The following FHIT variants were observed in gnomAD, a reference collection of about 807,000 sequenced individuals.
FHIT encodes the protein bis(5'-adenosyl)-triphosphatase.
A neutral mutation model predicts 17.9 loss-of-function variants in FHIT; 19 were observed. The ratio of observed to expected loss-of-function variants is 1.06; its 90% confidence interval spans 0.74 to 1.56. The LOEUF (loss-of-function observed/expected upper bound fraction) is 1.56. Ranked by LOEUF, FHIT falls within the 40% of genes most tolerant of loss-of-function variation. The pLI, the probability that FHIT is intolerant of heterozygous loss-of-function variation, is 0.00. For missense variants in FHIT, 248 were observed against 189.2 expected (o/e 1.31, Z -1.82); for synonymous variants, 81 against 69.7 (o/e 1.16, Z -0.81).
chr3:60,245,575 A>G (rs1331445766), intron 5 of FHIT, among the ~76,000 whole-genome samples: 1 of 152,122 alleles, frequency 6.6e-6, no homozygotes, highest in Non-Finnish European at 1.5e-5. Flanking sequence ...ATATTAGGGG[A>G]AAAACCTTTT....
intron 5 of FHIT, among the ~76,000 whole-genome samples, chr3:60,300,772 A>G (rs1005880251): frequency 5.9e-5 from 9 of 152,104 alleles, no homozygotes; most frequent in African/African-American, 2.2e-4. Context: ...ACAAACTAGA[A>G]ATATGGGAGG....
At chr3:60,763,413 T>C (rs1553720576) in intron 4 of FHIT, among the ~76,000 whole-genome samples, 1 of 152,238 alleles carries the variant, frequency 6.6e-6, no homozygotes, top group Admixed American at 6.5e-5. Flanking sequence ...ATAGCTACTG[T>C]CATCTACCAA....
At chr3:60,744,268 C>CAAA (rs374691493) in intron 4 of FHIT, among the ~76,000 whole-genome samples, 30 of 80,084 alleles carry the variant, frequency 3.7e-4, no homozygotes, top group South Asian at 1.2e-3. Flanking sequence ...CAAAACAAAA[C>CAAA]AAAAAAAAAA....
rs1271275586 is a variant in FHIT at position 60,886,513 on chromosome 3, G to C, written c.-110-64502C>G. On this transcript the variant is annotated intron_variant, in intron 3 of 9. Transcript: ENST00000492590. Reference sequence around the variant, plus strand: ...TTTAGCAAATATCACATTGACTTCTGGTAAGAGAAATAATCCAGAATCTGT... The same window carrying C: ...TTTAGCAAATATCACATTGACTTCTCGTAAGAGAAATAATCCAGAATCTGT... Among the ~76,000 whole-genome samples, 8 of 152,118 alleles carry C rather than the reference G, an allele frequency of 5.3e-5. 1 individual carries two copies. Among genetic ancestry groups the C allele is most frequent in the Admixed American group, 5.2e-4 (8 of 15,260 alleles).
At chr3:60,741,564 T>C (rs1277740895) in intron 4 of FHIT, among the ~76,000 whole-genome samples, 1 of 152,254 alleles carries the variant, frequency 6.6e-6, no homozygotes, top group African/African-American at 2.4e-5. Flanking sequence ...ATACACACTT[T>C]ACATCTGTCA....
At chr3:61,019,630 T>TGTA (rs2032302308) in intron 3 of FHIT, among the ~76,000 whole-genome samples, 1 of 152,232 alleles carries the variant, frequency 6.6e-6, no homozygotes, top group Non-Finnish European at 1.5e-5. Context: ...TATAACGCTA[T>TGTA]ATAGCACACT....
intron 5 of FHIT, among the ~76,000 whole-genome samples, chr3:60,452,523 TAAAG>T (rs2031819298): frequency 6.6e-6 from 1 of 152,138 alleles, no homozygotes; most frequent in African/African-American, 2.4e-5. Context: ...TGTGACCAAA[TAAAG>T]ATATTTAAAT....
At chr3:60,112,051 T>C in intron 5 of FHIT, among the ~76,000 whole-genome samples, 1 of 152,212 alleles carries the variant, frequency 6.6e-6, no homozygotes, top group African/African-American at 2.4e-5. Context: ...CTAAGATAAG[T>C]GGCTCAGTGA....
intron 5 of FHIT, among the ~76,000 whole-genome samples, chr3:60,115,352 G>C (rs1481825644): frequency 6.6e-6 from 1 of 152,056 alleles, no homozygotes; most frequent in African/African-American, 2.4e-5. Context: ...TAAATTTAAA[G>C]CATGAGTAGT....
chr3:60,624,138 G>T (rs1204405579), intron 4 of FHIT, among the ~76,000 whole-genome samples: 2 of 152,210 alleles, frequency 1.3e-5, no homozygotes, highest in Non-Finnish European at 1.5e-5. Context: ...ATCCCAGAGA[G>T]AAGAAATGGT....
At chr3:59,843,021 A>G (rs546804607) in intron 8 of FHIT, among the ~76,000 whole-genome samples, 1 of 152,230 alleles carries the variant, frequency 6.6e-6, no homozygotes, top group South Asian at 2.1e-4. Flanking sequence ...ATTTTATTCT[A>G]AGAGTTTTAT....
intron 5 of FHIT, among the ~76,000 whole-genome samples, chr3:60,172,195 G>A (rs915048957): frequency 2.0e-5 from 3 of 152,202 alleles, no homozygotes; most frequent in Non-Finnish European, 2.9e-5. Flanking sequence ...AGCTAGTTAA[G>A]GGAGTGAAAA....
intron 5 of FHIT, among the ~76,000 whole-genome samples, chr3:60,315,153 G>A (rs932094260): frequency 2.0e-5 from 3 of 152,078 alleles, no homozygotes; most frequent in African/African-American, 7.2e-5. Flanking sequence ...CCCAGCTGAG[G>A]CTCCAGACAT....
At position 60,904,937 on chromosome 3, in the gene FHIT, TAA is replaced by T. The variant is rs34683848; in HGVS notation, c.-110-82928_-110-82927del. Reference sequence around the variant, plus strand: ...CTGAGCAACAGAACGAGACTTGGTCTAAAAAAAAAAAAAAAAAAATTCTTAAA... The same window carrying T: ...CTGAGCAACAGAACGAGACTTGGTCTAAAAAAAAAAAAAAAAATTCTTAAA... On this transcript the variant is annotated intron_variant, in intron 3 of 9. Coordinates refer to ENST00000492590, the MANE Select transcript of FHIT (RefSeq NM_002012.4). Among the ~76,000 whole-genome samples the T allele has an allele frequency of 6.5e-3, 863 of 132,392 alleles. 4 individuals carry two copies. Among genetic ancestry groups the T allele is most frequent in the African/African-American group, 0.017 (605 of 34,812 alleles). The allele number at this position is 132,392 out of a possible 152,430, so 86.9% of individuals were successfully genotyped here. A position where few individuals can be genotyped will look rare whatever the true frequency, so the allele number is the denominator to read the frequency against.
At chr3:60,388,879 G>T (rs1701117557) in intron 5 of FHIT, among the ~76,000 whole-genome samples, 1 of 152,102 alleles carries the variant, frequency 6.6e-6, no homozygotes, top group South Asian at 2.1e-4. Flanking sequence ...GGTACAGAGG[G>T]CTCGTAAAGT....
intron 3 of FHIT, among the ~76,000 whole-genome samples, chr3:61,028,957 G>C (rs1433596135): frequency 6.6e-6 from 1 of 151,380 alleles, no homozygotes; most frequent in East Asian, 1.9e-4. Flanking sequence ...TGAGGTAGTA[G>C]AATATTCCTG....
intron 2 of FHIT, among the ~76,000 whole-genome samples, chr3:61,049,257 T>G (rs1361535901): frequency 6.6e-6 from 1 of 151,498 alleles, no homozygotes; most frequent in Non-Finnish European, 1.5e-5. Context: ...TAGAAGTTAT[T>G]AGGCATTCAT....
At chr3:60,077,740 G>GA (rs749903107) in intron 5 of FHIT, among the ~76,000 whole-genome samples, 1,091 of 46,942 alleles carry the variant, frequency 0.023, 15 homozygotes, top group African/African-American at 0.045. Flanking sequence ...ATATATAGAG[G>GA]GGGGGGGGAG....
chr3:59,771,522 G>C (rs1056378991), intron 8 of FHIT, among the ~76,000 whole-genome samples: 1 of 152,216 alleles, frequency 6.6e-6, no homozygotes, highest in African/African-American at 2.4e-5. Context: ...CCCATAGAGT[G>C]TTGTGAAGTA....
Sources: gnomAD v4.1 joint callset for allele counts (sites outside exome capture counted in the v4.1 genomes callset) on GRCh38, gnomAD v4.1.1 for gene constraint, MANE v1.5 for transcripts, NCBI Gene and HGNC (gene_info 2026-07-23, HGNC 2026-07-21) for gene names.